Variants in ACVR1C observed in about 807,000 individuals in gnomAD.
The protein encoded by ACVR1C is activin receptor type-1C.
ACVR1C carries 23 observed loss-of-function variants against 57.9 expected under a neutral mutation model. The observed-to-expected ratio is 0.40, with a 90% CI of 0.29 to 0.56. The LOEUF (loss-of-function observed/expected upper bound fraction) is 0.56, where lower values mean the gene tolerates loss of function less well. Ranked by LOEUF, ACVR1C falls within the 20% of genes least tolerant of loss-of-function variation. The pLI, the probability that ACVR1C is intolerant of heterozygous loss-of-function variation, is 0.50. For synonymous variants in ACVR1C, 214 were observed against 215.3 expected, an observed-to-expected ratio of 0.99 and a Z score of 0.05; for missense variants, 480 against 607.9, an observed-to-expected ratio of 0.79 and a Z score of 2.21.
intron 1 of ACVR1C, among the ~76,000 whole-genome samples, chr2:157,625,056 G>A (rs1419318557): frequency 5.9e-5 from 9 of 152,162 alleles, no homozygotes; most frequent in Non-Finnish European, 2.9e-5. Flanking sequence ...AATGCCCTTG[G>A]CTCTCAATTT....
intron 1 of ACVR1C, among the ~76,000 whole-genome samples, chr2:157,601,243 G>A (rs1573948241): frequency 6.6e-6 from 1 of 152,016 alleles, no homozygotes; most frequent in African/African-American, 2.4e-5. Flanking sequence ...CTTGAACCCG[G>A]GAGGCGGAGG....
intron 2 of ACVR1C, among the ~76,000 whole-genome samples, chr2:157,566,451 G>A (rs957568269): frequency 3.3e-5 from 5 of 152,294 alleles, no homozygotes; most frequent in East Asian, 1.9e-4. Flanking sequence ...CTGAGGTACC[G>A]GGTTCATCTC....
intron 3 of ACVR1C, among the ~76,000 whole-genome samples, chr2:157,555,166 C>T (rs1688069227): frequency 8.2e-6 from 1 of 122,020 alleles, no homozygotes; most frequent in African/African-American, 3.3e-5. Context: ...GGCCGGACTG[C>T]GGACTGCAGT....
Position 157,573,370 on chromosome 2 carries a change from C to T in ACVR1C, c.304+13817G>A, listed in dbSNP as rs1688570205. 2.0e-5 allele frequency among the ~76,000 whole-genome samples: 3 copies of T among 152,036 alleles called. No homozygotes were observed. In the South Asian group the frequency reaches 6.2e-4, roughly 31 times the overall value. On this transcript the variant is annotated intron_variant, in intron 2 of 8. Coordinates refer to ENST00000243349, the MANE Select transcript of ACVR1C (RefSeq NM_145259.3). Reference sequence around the variant, plus strand: ...AAGCACCCACATTTTAATGTTTTGTCATATTTTCTTTATTAAAGTAATTAT... The same window carrying T: ...AAGCACCCACATTTTAATGTTTTGTTATATTTTCTTTATTAAAGTAATTAT...
At chr2:157,543,889 A>G (rs563327756) in intron 5 of ACVR1C, among the ~76,000 whole-genome samples, 2 of 152,310 alleles carry the variant, frequency 1.3e-5, no homozygotes, top group South Asian at 4.1e-4. Context: ...CTGGGTACAT[A>G]TGCTAAATGG....
intron 5 of ACVR1C, 47 bp downstream of exon 5, chr2:157,544,398 C>T: frequency 6.5e-7 from 1 of 1,533,646 alleles, no homozygotes; most frequent in East Asian, 2.3e-5. Flanking sequence ...CTAAGTACCT[C>T]TATCCTCATA....
rs761341645 is a variant in ACVR1C at position 157,544,503 on chromosome 2, C to T, written c.885G>A (p.Leu295=). ...NIVTVAGMIK[L]ALSIASGLAH... The stretch of plus-strand genomic sequence containing the variant: ...CCAGACCACTAGCAATTGAGAGCGC[C>T]AGCTTGATCATTCCAGCCACGGTCA... Residue 295 remains leucine, a synonymous_variant, in exon 5 of 9, where the codon CTG becomes CTA. Transcript: ENST00000243349. 6.2e-7 allele frequency: 1 copy of T among 1,613,998 alleles called. No homozygotes were observed. The highest frequency in any genetic ancestry group is 8.5e-7 in the Non-Finnish European group (1 of 1,179,966).
At chr2:157,611,245 T>C (rs977559300) in intron 1 of ACVR1C, among the ~76,000 whole-genome samples, 1 of 152,204 alleles carries the variant, frequency 6.6e-6, no homozygotes, top group African/African-American at 2.4e-5. Context: ...TCTTTGACTT[T>C]GGGTGCACGC....
At chr2:157,542,663 G>T in intron 6 of ACVR1C, 43 bp downstream of exon 6, 1 of 1,580,678 alleles carries the variant, frequency 6.3e-7, no homozygotes, top group Non-Finnish European at 8.6e-7. Context: ...TGCTTATTGG[G>T]CACTCTCACA....
Position 157,529,025 on chromosome 2 carries a change from A to C in ACVR1C, c.*4893T>G, listed in dbSNP as rs1034307353. ...GCCAAACATTTTTTAATGCACTAAA[A>C]GAAGATGAATGCCAAAGACAAACTA... On this transcript the variant is annotated 3_prime_UTR_variant, in exon 9 of 9. Transcript: ENST00000243349. 3 of 152,188 alleles carry C rather than the reference A, an allele frequency of 2.0e-5. No homozygotes were observed. The highest frequency in any genetic ancestry group is 7.2e-5 in the African/African-American group (3 of 41,448). The allele number at this position is 152,188 out of a possible 1,614,324, so 9.4% of individuals were successfully genotyped here.
chr2:157,620,907 G>T (rs187821233), intron 1 of ACVR1C, among the ~76,000 whole-genome samples: 1 of 152,210 alleles, frequency 6.6e-6, no homozygotes, highest in East Asian at 1.9e-4. Flanking sequence ...AATATGCAGA[G>T]ATGTAGCATC....
intron 8 of ACVR1C, 112 bp from the exon 9 acceptor site, chr2:157,534,155 T>G: frequency 2.3e-6 from 2 of 880,860 alleles, no homozygotes; most frequent in Middle Eastern, 2.7e-4. Flanking sequence ...TTTTTTTTTT[T>G]AAGAGATGGG....
At chr2:157,576,414 C>T (rs1459550337) in intron 2 of ACVR1C, among the ~76,000 whole-genome samples, 1 of 152,006 alleles carries the variant, frequency 6.6e-6, no homozygotes, top group East Asian at 1.9e-4. Flanking sequence ...CCATGTTGGC[C>T]AGGCTGGTCT....
chr2:157,555,983 C>T, intron 3 of ACVR1C, 110 bp downstream of exon 3: 1 of 1,279,878 alleles, frequency 7.8e-7, no homozygotes. Context: ...CACCATGTAT[C>T]CTTTCAAGAC....
chr2:157,554,229 A>AAGAG (rs1558974914), intron 3 of ACVR1C, among the ~76,000 whole-genome samples: 31 of 130,734 alleles, frequency 2.4e-4, no homozygotes, highest in South Asian at 9.8e-4. Flanking sequence ...GAAAGAAAGA[A>AAGAG]AGAAAGAAAG....
intron 2 of ACVR1C, among the ~76,000 whole-genome samples, chr2:157,575,267 G>A (rs1688616861): frequency 6.6e-6 from 1 of 152,046 alleles, no homozygotes; most frequent in Non-Finnish European, 1.5e-5. Context: ...TGAGTAGCTG[G>A]GATTACAGGC....
In ACVR1C at chr2:157,628,780, G is replaced by A. The variant is rs566928634; in HGVS notation, c.-136C>T. The A allele has an allele frequency of 5.6e-4, 385 of 691,548 alleles. 6 individuals are homozygous for A. In the African/African-American group the frequency reaches 6.3e-3, roughly 11 times the overall value. The allele number at this position is 691,548 out of a possible 1,614,324, so 42.8% of individuals were successfully genotyped here. ...GACACCCTTTTGAAGTGCGCGGTTG[G>A]CTCTAGTCAGTGTGGGCGCCCCCCT... On this transcript the variant is annotated 5_prime_UTR_variant, in exon 1 of 9. Coordinates refer to ENST00000243349, the MANE Select transcript of ACVR1C (RefSeq NM_145259.3).
At position 157,529,602 on chromosome 2, in the gene ACVR1C, T is replaced by G. The variant is rs1687311713; in HGVS notation, c.*4316A>C. 6.6e-6 allele frequency: 1 copy of G among 151,980 alleles called. No individual in the cohort carries two copies. The highest frequency in any genetic ancestry group is 6.6e-5 in the Admixed American group (1 of 15,222). The allele number at this position is 151,980 out of a possible 1,614,324, so 9.4% of individuals were successfully genotyped here. A position where few individuals can be genotyped will look rare whatever the true frequency, so the allele number is the denominator to read the frequency against. Reference sequence around the variant, plus strand: ...ATTTAATCTCTGATCCTTGGTTTCGTCATCTACACAAAATTGGAATAACTT... The same window carrying G: ...ATTTAATCTCTGATCCTTGGTTTCGGCATCTACACAAAATTGGAATAACTT... On this transcript the variant is annotated 3_prime_UTR_variant, in exon 9 of 9. Coordinates refer to ENST00000243349, the MANE Select transcript of ACVR1C (RefSeq NM_145259.3).
At chr2:157,566,821 C>G (rs1004704464) in intron 2 of ACVR1C, among the ~76,000 whole-genome samples, 1 of 152,180 alleles carries the variant, frequency 6.6e-6, no homozygotes, top group African/African-American at 2.4e-5. Flanking sequence ...CTTAGGTAAA[C>G]AAAGCAGCCG....
Sources: gnomAD v4.1 joint callset for allele counts (sites outside exome capture counted in the v4.1 genomes callset) on GRCh38, gnomAD v4.1.1 for gene constraint, MANE v1.5 for transcripts, NCBI Gene and HGNC (gene_info 2026-07-23, HGNC 2026-07-21) for gene names.